Variants in SUPT3H observed in about 807,000 individuals in gnomAD.
The protein encoded by SUPT3H is transcription initiation protein SPT3 homolog.
Under a neutral mutation model 44.3 loss-of-function variants are expected in SUPT3H, and 44 were observed. The ratio of observed to expected loss-of-function variants is 0.99; its 90% confidence interval spans 0.78 to 1.28. The LOEUF (loss-of-function observed/expected upper bound fraction) is 1.28. Ranked by LOEUF, SUPT3H falls within the 50% of genes most tolerant of loss-of-function variation. SUPT3H has a pLI of 0.00. For synonymous variants in SUPT3H, 124 were observed against 125.6 expected (o/e 0.99, Z 0.09); for missense variants, 380 against 387.1 (o/e 0.98, Z 0.15).
chr6:45,204,125 T>C (rs558807027), intron 2 of SUPT3H, among the ~76,000 whole-genome samples: 4 of 152,086 alleles, frequency 2.6e-5, no homozygotes, highest in Non-Finnish European at 5.9e-5. Flanking sequence ...TGCATGCCTA[T>C]AGTCCCAGCT....
intron 6 of SUPT3H, among the ~76,000 whole-genome samples, chr6:44,981,047 T>G (rs1049279822): frequency 1.8e-4 from 27 of 152,224 alleles, no homozygotes; most frequent in Non-Finnish European, 8.8e-5. Context: ...ACTTAAATGC[T>G]TTGCCGTTTT....
chr6:45,022,036 A>AT (rs1299605429), intron 3 of SUPT3H, among the ~76,000 whole-genome samples: 1 of 152,060 alleles, frequency 6.6e-6, no homozygotes, highest in Non-Finnish European at 1.5e-5. Flanking sequence ...AGGGAAATAT[A>AT]TGTGCACATG....
At chr6:44,851,980 C>T (rs1772968213) in intron 10 of SUPT3H, among the ~76,000 whole-genome samples, 2 of 152,118 alleles carry the variant, frequency 1.3e-5, no homozygotes, top group African/African-American at 2.4e-5. Flanking sequence ...ATAAGAGGGG[C>T]CCCATTGGCG....
intron 2 of SUPT3H, among the ~76,000 whole-genome samples, chr6:45,157,960 G>T (rs1313646272): frequency 1.3e-5 from 2 of 150,474 alleles, no homozygotes; most frequent in African/African-American, 4.9e-5. Context: ...TATAATTTCT[G>T]TAATTATAGT....
At chr6:44,959,979 C>T (rs997416379) in intron 7 of SUPT3H, among the ~76,000 whole-genome samples, 1 of 152,100 alleles carries the variant, frequency 6.6e-6, no homozygotes, top group East Asian at 1.9e-4. Context: ...CAGATTTCCC[C>T]ACCAAGGTTT....
At chr6:45,034,405 AG>A (rs1787380120) in intron 3 of SUPT3H, among the ~76,000 whole-genome samples, 1 of 152,126 alleles carries the variant, frequency 6.6e-6, no homozygotes, top group South Asian at 2.1e-4. Context: ...GGGTGAAAAA[AG>A]GATCTAGAGA....
intron 2 of SUPT3H, among the ~76,000 whole-genome samples, chr6:45,109,608 C>A (rs1329175099): frequency 6.6e-6 from 1 of 152,092 alleles, no homozygotes; most frequent in Non-Finnish European, 1.5e-5. Flanking sequence ...TTTTAATTTT[C>A]AGGGTTATTG....
chr6:44,972,236 AC>A (rs1467664530), intron 6 of SUPT3H, among the ~76,000 whole-genome samples: 1 of 152,142 alleles, frequency 6.6e-6, no homozygotes, highest in African/African-American at 2.4e-5. Flanking sequence ...GGGTAAACAT[AC>A]CCATTCTAAA....
At chr6:44,957,595 G>T (rs1775402800) in intron 7 of SUPT3H, among the ~76,000 whole-genome samples, 1 of 151,898 alleles carries the variant, frequency 6.6e-6, no homozygotes, top group South Asian at 2.1e-4. Context: ...TTAAAAGTGA[G>T]GGAAAGGATC....
At chr6:44,914,439 T>A (rs1767510716) in intron 10 of SUPT3H, among the ~76,000 whole-genome samples, 3 of 152,202 alleles carry the variant, frequency 2.0e-5, no homozygotes, top group African/African-American at 7.2e-5. Context: ...GGGTAGTACA[T>A]AACTACCCAC....
At chr6:45,079,669 G>A (rs187408236) in intron 3 of SUPT3H, among the ~76,000 whole-genome samples, 18 of 152,220 alleles carry the variant, frequency 1.2e-4, no homozygotes, top group Admixed American at 1.1e-3. Context: ...ACTCACTTTC[G>A]AGAAAGATGC....
At chr6:45,126,296 A>T (rs1802420012) in intron 2 of SUPT3H, among the ~76,000 whole-genome samples, 1 of 152,220 alleles carries the variant, frequency 6.6e-6, no homozygotes, top group Non-Finnish European at 1.5e-5. Flanking sequence ...CCAAGATAAA[A>T]AATGTCCTCC....
chr6:45,018,769 T>C (rs994502600), intron 4 of SUPT3H, among the ~76,000 whole-genome samples: 4 of 152,084 alleles, frequency 2.6e-5, no homozygotes, highest in African/African-American at 9.7e-5. Flanking sequence ...TTGAGGATTT[T>C]TGCATCAATG....
intron 2 of SUPT3H, among the ~76,000 whole-genome samples, chr6:45,339,224 T>C (rs1391683262): frequency 2.0e-5 from 3 of 152,122 alleles, no homozygotes; most frequent in African/African-American, 7.2e-5. Flanking sequence ...CAAGACTTCT[T>C]ATGTTACAGT....
At position 44,909,781 on chromosome 6, in the gene SUPT3H, G is replaced by A. The variant is rs76924595; in HGVS notation, c.912+22872C>T. The stretch of plus-strand genomic sequence containing the variant: ...CAGGGCTCTTCCCATTATACCAAAG[G>A]CTGAGGGCATTACAAGTCTTCAGGA... On this transcript the variant is annotated intron_variant, in intron 10 of 10. Transcript: ENST00000371459. Among the ~76,000 whole-genome samples the A allele has an allele frequency of 6.5e-3, 990 of 152,206 alleles. 12 individuals are homozygous for A. The highest frequency in any genetic ancestry group is 0.023 in the African/African-American group (935 of 41,528).
intron 2 of SUPT3H, among the ~76,000 whole-genome samples, chr6:45,213,577 GAACAA>G (rs1017630646): frequency 2.6e-5 from 4 of 151,962 alleles, no homozygotes; most frequent in African/African-American, 7.2e-5. Context: ...ATAAGAGAAT[GAACAA>G]AACATTCATA....
At chr6:44,856,959 T>C (rs1160249296) in intron 10 of SUPT3H, among the ~76,000 whole-genome samples, 1 of 152,160 alleles carries the variant, frequency 6.6e-6, no homozygotes, top group Non-Finnish European at 1.5e-5. Context: ...TATTCACGAG[T>C]ATAGAATTAG....
At chr6:44,964,294 A>G (rs1776478153) in intron 6 of SUPT3H, among the ~76,000 whole-genome samples, 1 of 152,044 alleles carries the variant, frequency 6.6e-6, no homozygotes, top group Non-Finnish European at 1.5e-5. Context: ...ATTCCTACAT[A>G]CCATCTCTGC....
intron 10 of SUPT3H, among the ~76,000 whole-genome samples, chr6:44,877,468 CAAAA>C (rs5875897): frequency 1.6e-5 from 2 of 122,482 alleles, no homozygotes; most frequent in Non-Finnish European, 1.7e-5. Flanking sequence ...GACTCAGTCT[CAAAA>C]AAAAAAAAAA....
Sources: allele counts gnomAD v4.1 joint callset (sites outside exome capture counted in the v4.1 genomes callset), GRCh38; gene constraint gnomAD v4.1.1; transcripts MANE v1.5; gene names NCBI Gene and HGNC (gene_info 2026-07-23, HGNC 2026-07-21).